MICAL2: variants seen among roughly 807,000 people sequenced by gnomAD.
MICAL2 encodes the protein [F-actin]-monooxygenase MICAL2.
Under a neutral mutation model 127.3 loss-of-function variants are expected in MICAL2, and 77 were observed. The observed-to-expected ratio is 0.60, with a 90% CI of 0.50 to 0.73. The LOEUF (loss-of-function observed/expected upper bound fraction) is 0.73, where lower values mean the gene tolerates loss of function less well. MICAL2 is among the 30% of genes least tolerant of loss of function. The pLI is 0.00. For missense variants in MICAL2, 1,351 were observed against 1,434.4 expected (o/e 0.94, Z 0.94); for synonymous variants, 570 against 551.1 (o/e 1.03, Z -0.48).
At chr11:12,234,605 G>A (rs1006873816) in intron 15 of MICAL2, among the ~76,000 whole-genome samples, 4 of 152,344 alleles carry the variant, frequency 2.6e-5, no homozygotes, top group African/African-American at 9.6e-5. Flanking sequence ...GTGTTGTTTT[G>A]TGCTGCCTGG....
chr11:12,161,851 A>T (rs1565067724), intron 2 of MICAL2: 1 of 418,606 alleles, frequency 2.4e-6, no homozygotes, highest in East Asian at 4.8e-5. Flanking sequence ...CTTTTCAGCC[A>T]GCAAGAGGAG....
chr11:12,360,008 C>T (rs1203471058), downstream of MICAL2, among the ~76,000 whole-genome samples: 1 of 152,020 alleles, frequency 6.6e-6, no homozygotes, highest in Non-Finnish European at 1.5e-5. Flanking sequence ...TGGATTTCCT[C>T]TGAGTCAGCC....
intron 34 of MICAL2, among the ~76,000 whole-genome samples, chr11:12,356,106 C>T (rs1382461776): frequency 2.0e-5 from 3 of 152,110 alleles, no homozygotes; most frequent in African/African-American, 4.8e-5. Context: ...TAAATAAATA[C>T]CACCAAAGAC....
chr11:12,269,163 G>T (rs1026894714), intron 24 of MICAL2, among the ~76,000 whole-genome samples: 1 of 152,196 alleles, frequency 6.6e-6, no homozygotes, highest in Non-Finnish European at 1.5e-5. Flanking sequence ...CAGTGCTGGG[G>T]TCTTGCTGCT....
rs986963926 is a variant in MICAL2 at position 12,224,703 on chromosome 11, C to G, written c.1571C>G (p.Thr524Ser). The G allele has an allele frequency of 5.6e-6, 9 of 1,614,076 alleles. No individual in the cohort carries two copies. The African/African-American group carries it at 9.3e-5, about 17-fold the overall frequency. Residue 524 changes from threonine (T) to serine (S), a missense_variant, in exon 13 of 28, where the codon ACC (threonine) becomes AGC (serine). Thr to Ser is a moderately conservative substitution (Grantham distance 58). This residue lies in a region of MICAL2 where 599 missense variants were observed against 714.9 expected (regional missense o/e 0.84). Transcript: ENST00000683283. ...GATATCCGGCCCAGCAAGCTCCTGA[C>G]CTGGTGCCAGCAGCAGACAGAGGGC... ...ESDIRPSKLL[T>S]WCQQQTEGYQ...
intron 2 of MICAL2, chr11:12,281,152 A>AC (rs11414011): frequency 0.32 from 126,154 of 398,352 alleles, 22,799 homozygotes; most frequent in East Asian, 0.66. Context: ...GGGAACAGAG[A>AC]CCCCCACAGC....
At chr11:12,349,554 A>T (rs1002910172) in intron 32 of MICAL2, among the ~76,000 whole-genome samples, 1 of 152,082 alleles carries the variant, frequency 6.6e-6, no homozygotes, top group Non-Finnish European at 1.5e-5. Flanking sequence ...AGGCAGGGGG[A>T]GGGTCGTTTG....
chr11:12,257,093 G>A, intron 24 of MICAL2, 122 bp downstream of exon 24: 1 of 1,100,574 alleles, frequency 9.1e-7, no homozygotes, highest in Non-Finnish European at 1.3e-6. Context: ...GAAGTATGAT[G>A]TCATCAGGAA....
At chr11:12,219,433 CAGG>C (rs1856554350) in intron 8 of MICAL2, among the ~76,000 whole-genome samples, 1 of 144,582 alleles carries the variant, frequency 6.9e-6, no homozygotes, top group Admixed American at 7.4e-5. Flanking sequence ...GAGGCTGAGG[CAGG>C]AGAATTGCTT....
At position 12,237,068 on chromosome 11, in the gene MICAL2, G is replaced by A. The variant is rs1859187250; in HGVS notation, c.2064+823G>A. On this transcript the variant is annotated intron_variant, in intron 16 of 27. Transcript: ENST00000683283. ...TTATTGCTGTATAGTTGCATGACATGGTTGTTCGTGTCTGACTTGCTGCCC... is the reference window on the plus strand; with the variant it reads ...TTATTGCTGTATAGTTGCATGACATAGTTGTTCGTGTCTGACTTGCTGCCC... 2.0e-5 allele frequency among the ~76,000 whole-genome samples: 3 copies of A among 152,120 alleles called. No homozygotes were observed. In the South Asian group the frequency reaches 6.2e-4, roughly 32 times the overall value.
At chr11:12,199,012 A>G (rs1565145938) in intron 3 of MICAL2, among the ~76,000 whole-genome samples, 1 of 152,068 alleles carries the variant, frequency 6.6e-6, no homozygotes, top group African/African-American at 2.4e-5. Flanking sequence ...TGACCTCACC[A>G]CTGAGGTCGG....
chr11:12,304,492 G>A (rs1026595810), intron 29 of MICAL2, among the ~76,000 whole-genome samples: 46 of 152,094 alleles, frequency 3.0e-4, no homozygotes, highest in African/African-American at 9.6e-4. Context: ...AAAATTAGCC[G>A]GGCGTGGTGG....
intron 3 of MICAL2, among the ~76,000 whole-genome samples, chr11:12,173,182 G>A (rs761134139): frequency 1.4e-4 from 21 of 152,276 alleles, no homozygotes; most frequent in Non-Finnish European, 1.9e-4. Flanking sequence ...GCAACCTGGC[G>A]TATTCTACAC....
intron 7 of MICAL2, 137 bp downstream of exon 7, chr11:12,213,547 C>T: frequency 3.7e-6 from 3 of 814,828 alleles, no homozygotes; most frequent in Non-Finnish European, 5.6e-6. Flanking sequence ...CAATGATTTT[C>T]CCTAGGATAG....
chr11:12,279,863 G>C (rs905608640), intron 1 of MICAL2, among the ~76,000 whole-genome samples: 1 of 152,214 alleles, frequency 6.6e-6, no homozygotes, highest in African/African-American at 2.4e-5. Flanking sequence ...GAACAGGACT[G>C]GGGCACCATG....
chr11:12,264,236 G>A (rs1590711874), downstream of MICAL2, among the ~76,000 whole-genome samples: 1 of 152,318 alleles, frequency 6.6e-6, no homozygotes, highest in East Asian at 1.9e-4. Flanking sequence ...ACAGCTGAGT[G>A]GCAAGTGGAA....
chr11:12,273,058 T>C (rs1863689645), upstream of MICAL2, among the ~76,000 whole-genome samples: 1 of 152,186 alleles, frequency 6.6e-6, no homozygotes. Context: ...CTGGGGGCAC[T>C]TTCCAGCCAA....
At chr11:12,251,636 G>T (rs1484383817) in intron 22 of MICAL2, among the ~76,000 whole-genome samples, 3 of 151,114 alleles carry the variant, frequency 2.0e-5, no homozygotes, top group African/African-American at 7.3e-5. Context: ...GGATGTGTGG[G>T]TGCCACGGGG....
At chr11:12,182,259 C>A (rs1413793907) in intron 3 of MICAL2, among the ~76,000 whole-genome samples, 1 of 152,010 alleles carries the variant, frequency 6.6e-6, no homozygotes, top group Non-Finnish European at 1.5e-5. Flanking sequence ...GGTTAAGGAC[C>A]CCTGTTCTGA....
Sources: gnomAD v4.1 joint callset for allele counts (sites outside exome capture counted in the v4.1 genomes callset) on GRCh38, gnomAD v4.1.1 for gene constraint, gnomAD v4.1.1 regional missense constraint, MANE v1.5 for transcripts, NCBI Gene and HGNC (gene_info 2026-07-23, HGNC 2026-07-21) for gene names.